ARHGEF2: variants seen among roughly 807,000 people sequenced by gnomAD.
ARHGEF2 encodes the protein rho guanine nucleotide exchange factor 2.
In ARHGEF2, 22 loss-of-function variants were observed where a neutral mutation model predicts 121.0. That is an observed-to-expected ratio of 0.18 (90% confidence interval 0.13 to 0.26). The LOEUF (loss-of-function observed/expected upper bound fraction) is 0.26. ARHGEF2 is among the 10% of genes least tolerant of loss of function. The pLI, the probability that ARHGEF2 is intolerant of heterozygous loss-of-function variation, is 1.00. For synonymous variants in ARHGEF2, 487 were observed against 530.0 expected (o/e 0.92, Z 1.11); for missense variants, 907 against 1,336.0 (o/e 0.68, Z 5.01).
chr1:155,978,658 C>T, upstream of ARHGEF2: 2 of 1,150,284 alleles, frequency 1.7e-6, no homozygotes, highest in Non-Finnish European at 2.2e-6. This position sits in a 1 kb window ranked among gnomAD's most constrained non-coding sequence, Gnocchi z 4.1. Context: ...GCGCGCAGGA[C>T]GGGACGCCAG....
chr1:155,967,289 G>T (rs1386197507), intron 2 of ARHGEF2, among the ~76,000 whole-genome samples: 5 of 152,124 alleles, frequency 3.3e-5, no homozygotes, highest in Non-Finnish European at 5.9e-5. Context: ...CAGAATGGGG[G>T]CTAGGGGCAG....
At chr1:155,959,145 A>AT (rs1677353935) in intron 11 of ARHGEF2, among the ~76,000 whole-genome samples, 1 of 152,106 alleles carries the variant, frequency 6.6e-6, no homozygotes, top group Admixed American at 6.6e-5. Context: ...TAACTCGTGT[A>AT]TTTTTTTGGG....
At chr1:155,974,128 C>A (rs909216123) in intron 1 of ARHGEF2, among the ~76,000 whole-genome samples, 1 of 152,090 alleles carries the variant, frequency 6.6e-6, no homozygotes, top group Non-Finnish European at 1.5e-5. Flanking sequence ...TCATGCGATC[C>A]AGCTGCCTTG....
At chr1:155,979,302 T>C, upstream of ARHGEF2, 1 of 985,424 alleles carries the variant, frequency 1.0e-6, no homozygotes, top group Non-Finnish European at 1.2e-6. Flanking sequence ...ACTGCAGTTC[T>C]CTCTGTTGCA....
chr1:155,957,982 G>T, intron 12 of ARHGEF2, 100 bp from the exon 13 acceptor site: 2 of 1,269,296 alleles, frequency 1.6e-6, no homozygotes, highest in Non-Finnish European at 2.2e-6. Context: ...GGACTGAAGA[G>T]TCATCTTACA....
At chr1:155,966,003 A>G (rs1034944394) in intron 4 of ARHGEF2, among the ~76,000 whole-genome samples, 1 of 152,150 alleles carries the variant, frequency 6.6e-6, no homozygotes, top group Non-Finnish European at 1.5e-5. Context: ...GCTCAGAAAG[A>G]CAAAAAGACT....
At chr1:155,952,551 G>A (rs1439533365) in intron 15 of ARHGEF2, 77 bp downstream of exon 15, 1 of 1,425,160 alleles carries the variant, frequency 7.0e-7, no homozygotes, top group Non-Finnish European at 9.6e-7. Context: ...GTCTGTGTTT[G>A]TCCATGTCTA....
chr1:155,966,579 G>C, intron 3 of ARHGEF2, 100 bp from the exon 4 acceptor site: 2 of 1,318,814 alleles, frequency 1.5e-6, no homozygotes, highest in Non-Finnish European at 2.2e-6. Flanking sequence ...GCCCCCTTAG[G>C]AGAAAGCTGG....
intron 7 of ARHGEF2, 112 bp from the exon 8 acceptor site, chr1:155,963,295 T>A (rs1678347662): frequency 2.0e-6 from 2 of 1,003,330 alleles, no homozygotes; most frequent in Non-Finnish European, 1.5e-6. Context: ...CATTCCAGGT[T>A]AATATTCTGC....
chr1:155,969,397 T>C, intron 1 of ARHGEF2, 97 bp from the exon 2 acceptor site: 3 of 1,556,956 alleles, frequency 1.9e-6, no homozygotes, highest in Non-Finnish European at 2.6e-6. Flanking sequence ...AAGGAAAAAA[T>C]GCCAGCCTGA....
Position 155,951,169 on chromosome 1 carries a change from C to T in ARHGEF2, c.2363G>A (p.Gly788Asp), listed in dbSNP as rs760830802. Reference protein sequence around the residue: ...CRANSRDGEAGRAGAAPVAPE... With the variant: ...CRANSRDGEADRAGAAPVAPE... Reference sequence around the variant, plus strand: ...GGCCACAGGGGCAGCCCCAGCCCTGCCAGCCTCCCCATCCCGAGAGTTGGC... The same window carrying T: ...GGCCACAGGGGCAGCCCCAGCCCTGTCAGCCTCCCCATCCCGAGAGTTGGC... Residue 788 changes from glycine (G) to aspartate (D), a missense_variant, in exon 20 of 22, where the codon GGC (glycine) becomes GAC (aspartate). Coordinates refer to ENST00000361247, the MANE Select transcript of ARHGEF2 (RefSeq NM_001162383.2). The surrounding 1 kb of genome is among the most constrained non-coding windows in gnomAD (Gnocchi z 5.1). 1 of 1,605,310 alleles carries T rather than the reference C, an allele frequency of 6.2e-7. No homozygotes were observed. The highest frequency in any genetic ancestry group is 1.1e-5 in the South Asian group (1 of 90,012).
Position 155,962,504 on chromosome 1 carries a change from C to T in ARHGEF2, c.1101+89G>A. On this transcript the variant is annotated intron_variant, in intron 9 of 21. Coordinates refer to ENST00000361247, the MANE Select transcript of ARHGEF2 (RefSeq NM_001162383.2). This position sits in a 1 kb window ranked among gnomAD's most constrained non-coding sequence, Gnocchi z 5.8. ...GCACGGGTGGCGAATGCCTGACCTC[C>T]ATGTGGGTGCAGCTCACAGGCACTA... is the stretch of plus-strand genomic sequence containing the variant. 10 of 1,565,316 alleles carry T rather than the reference C, an allele frequency of 6.4e-6. No homozygotes were observed. In the South Asian group the frequency reaches 1.1e-4, roughly 17 times the overall value.
chr1:155,953,720 C>T (rs558128330), intron 14 of ARHGEF2, among the ~76,000 whole-genome samples: 1 of 144,424 alleles, frequency 6.9e-6, no homozygotes, highest in East Asian at 2.0e-4. Context: ...GCACTCCACC[C>T]TGGGCGACAG....
At chr1:155,964,167 A>AAAAAAAAAAAATAT (rs1553244640) in intron 7 of ARHGEF2, among the ~76,000 whole-genome samples, 1 of 91,240 alleles carries the variant, frequency 1.1e-5, no homozygotes, top group African/African-American at 6.1e-5. Flanking sequence ...AAAAAAAAAA[A>AAAAAAAAAAAATAT]ATATATATAT....
At position 155,962,293 on chromosome 1, in the gene ARHGEF2, T is replaced by C; in HGVS notation, c.1102-71A>G. 6.7e-7 allele frequency: 1 copy of C among 1,485,902 alleles called. No homozygotes were observed. Among genetic ancestry groups the C allele is most frequent in the Non-Finnish European group, 9.3e-7 (1 of 1,073,398 alleles). The allele number at this position is 1,485,902 out of a possible 1,614,324, so 92.0% of individuals were successfully genotyped here. A position where few individuals can be genotyped will look rare whatever the true frequency, so the allele number is the denominator to read the frequency against. On this transcript the variant is annotated intron_variant, in intron 9 of 21. Transcript: ENST00000361247. The surrounding 1 kb of genome is among the most constrained non-coding windows in gnomAD (Gnocchi z 5.8). Reference sequence around the variant, plus strand: ...GAAAGGCCTGGGGCCTGAGCTCTGGTGCTGGCCCTGGCGTGGCCATTTACC... The same window carrying C: ...GAAAGGCCTGGGGCCTGAGCTCTGGCGCTGGCCCTGGCGTGGCCATTTACC...
chr1:155,973,318 C>T (rs975746634), intron 1 of ARHGEF2, among the ~76,000 whole-genome samples: 1 of 152,154 alleles, frequency 6.6e-6, no homozygotes, highest in African/African-American at 2.4e-5. Flanking sequence ...TTTCTCCCTC[C>T]TCCTGAAGGG....
chr1:155,951,415 G>A lies in ARHGEF2; in HGVS notation c.2259+68C>T. The A allele has an allele frequency of 3.8e-6, 6 of 1,598,998 alleles. No individual in the cohort carries two copies. The highest frequency in any genetic ancestry group is 5.1e-6 in the Non-Finnish European group (6 of 1,166,632). On this transcript the variant is annotated intron_variant, in intron 19 of 21. Coordinates refer to ENST00000361247, the MANE Select transcript of ARHGEF2 (RefSeq NM_001162383.2). The surrounding 1 kb of genome is among the most constrained non-coding windows in gnomAD (Gnocchi z 5.1). Reference sequence around the variant, plus strand: ...TAGAAAGGCCTGTTGGGATGACCATGCCCCACCTAAACAGGCATCTCTAGC... The same window carrying A: ...TAGAAAGGCCTGTTGGGATGACCATACCCCACCTAAACAGGCATCTCTAGC...
intron 2 of ARHGEF2, 111 bp downstream of exon 2, chr1:155,969,044 TG>T: frequency 1.4e-6 from 2 of 1,392,974 alleles, no homozygotes; most frequent in Non-Finnish European, 2.0e-6. Flanking sequence ...TGGGCCCAGC[TG>T]GGGATCAGAG....
At position 155,978,515 on chromosome 1, in the gene ARHGEF2, A is replaced by C; in HGVS notation, c.-88T>G. 7.6e-7 allele frequency: 1 copy of C among 1,311,600 alleles called. No individual in the cohort carries two copies. The highest frequency in any genetic ancestry group is 9.8e-7 in the Non-Finnish European group (1 of 1,018,110). 81.2% of individuals were successfully genotyped at this position (1,311,600 alleles called of 1,614,324 possible). ...AGGCGGGGGGAGGGGTTCGGCCCGC[A>C]CGCGTTGGTCTCGGGGACAGGAAGT... On this transcript the variant is annotated 5_prime_UTR_variant, in exon 1 of 22. Transcript: ENST00000361247. This position sits in a 1 kb window ranked among gnomAD's most constrained non-coding sequence, Gnocchi z 4.1.
Sources: gnomAD v4.1 joint callset for allele counts (sites outside exome capture counted in the v4.1 genomes callset) on GRCh38, gnomAD v4.1.1 for gene constraint, Gnocchi (gnomAD v3.1) non-coding constraint, MANE v1.5 for transcripts, NCBI Gene and HGNC (gene_info 2026-07-23, HGNC 2026-07-21) for gene names.